Variants in USP32 observed in about 807,000 individuals in gnomAD.
The protein encoded by USP32 is ubiquitin specific peptidase 32.
USP32 carries 59 observed loss-of-function variants against 204.8 expected under a neutral mutation model. The ratio of observed to expected loss-of-function variants is 0.29; its 90% confidence interval spans 0.23 to 0.36. The LOEUF is 0.36. Ranked by LOEUF, USP32 falls within the 10% of genes least tolerant of loss-of-function variation. The pLI, the probability that USP32 is intolerant of heterozygous loss-of-function variation, is 1.00. For missense variants in USP32, 1,160 were observed against 1,946.4 expected (o/e 0.60, Z 7.60); for synonymous variants, 517 against 678.4 (o/e 0.76, Z 3.70).
chr17:60,209,666 A>G (rs528769589), intron 21 of USP32, 123 bp from the exon 22 acceptor site: 56 of 608,826 alleles, frequency 9.2e-5, no homozygotes, highest in Admixed American at 3.6e-4. Context: ...GTCTGCCTCT[A>G]TTTCAACAAA....
At chr17:60,370,210 AT>A (rs1317103381) in intron 1 of USP32, among the ~76,000 whole-genome samples, 2 of 152,070 alleles carry the variant, frequency 1.3e-5, no homozygotes, top group East Asian at 1.9e-4. Flanking sequence ...AATAAAAAGA[AT>A]TTTTTTAAAT....
At chr17:60,198,172 G>A in intron 27 of USP32, 88 bp downstream of exon 27, 1 of 1,506,220 alleles carries the variant, frequency 6.6e-7, no homozygotes, top group Non-Finnish European at 9.0e-7. Flanking sequence ...CTTGACATAG[G>A]CTGGGTCCTA....
intron 27 of USP32, among the ~76,000 whole-genome samples, chr17:60,197,481 G>A (rs1421341331): frequency 2.0e-5 from 3 of 152,214 alleles, no homozygotes; most frequent in Non-Finnish European, 2.9e-5. Flanking sequence ...GTGCATGCCT[G>A]TAATCCCAGC....
upstream of USP32, chr17:60,392,367 G>A: frequency 3.8e-6 from 1 of 262,530 alleles, no homozygotes; most frequent in Non-Finnish European, 7.6e-6. Context: ...GGAGGGGGAC[G>A]CATCTCCGCA....
chr17:60,400,228 A>G (rs112525191), intron 1 of USP32, among the ~76,000 whole-genome samples: 4,920 of 152,180 alleles, frequency 0.032, 264 homozygotes, highest in African/African-American at 0.11. Context: ...GCCTCCAGAA[A>G]TTCTGAGATT....
intron 1 of USP32, among the ~76,000 whole-genome samples, chr17:60,410,510 T>C (rs1226660245): frequency 6.6e-6 from 1 of 151,362 alleles, no homozygotes. Context: ...CTACTAAAAA[T>C]ACAAAAAATT....
At position 60,211,528 on chromosome 17, in the gene USP32, T is replaced by C. The variant is rs368896615; in HGVS notation, c.2180-14A>G. On this transcript the variant is annotated splice_polypyrimidine_tract_variant and intron_variant, in intron 19 of 33. Transcript: ENST00000300896. ...TTTCTGTGGGAACTGGAACAAACAA[T>C]ATGAGAACCAAAGCTTAGCTGTAGT... is the stretch of plus-strand genomic sequence containing the variant. The C allele has an allele frequency of 6.9e-6, 11 of 1,604,216 alleles. No homozygotes were observed. The African/African-American group carries it at 1.1e-4, about 16-fold the overall frequency.
chr17:60,249,690 G>A, intron 11 of USP32: 1 of 699,730 alleles, frequency 1.4e-6, no homozygotes, highest in Non-Finnish European at 2.6e-6. Context: ...TCTCACCAAG[G>A]ATTAGTAGTT....
chr17:60,314,013 A>C (rs757291663), intron 2 of USP32, among the ~76,000 whole-genome samples: 3 of 152,106 alleles, frequency 2.0e-5, no homozygotes, highest in Non-Finnish European at 4.4e-5. Context: ...TATTATAAAT[A>C]TGCTCAAGAA....
intron 3 of USP32, among the ~76,000 whole-genome samples, chr17:60,298,597 C>T (rs973694678): frequency 2.0e-5 from 3 of 151,998 alleles, no homozygotes; most frequent in South Asian, 4.2e-4. Context: ...AAAAAGATCC[C>T]CCTGCCTCAG....
intron 1 of USP32, among the ~76,000 whole-genome samples, chr17:60,379,676 A>C (rs1438825813): frequency 6.6e-6 from 1 of 152,270 alleles, no homozygotes; most frequent in Non-Finnish European, 1.5e-5. Context: ...TATAAACTTC[A>C]GTCACATTGC....
rs780076141 is a variant in USP32 at position 60,271,506 on chromosome 17, A to G, written c.572-25T>C. The G allele has an allele frequency of 2.5e-6, 4 of 1,609,996 alleles. No homozygotes were observed. In the South Asian group the frequency reaches 3.3e-5, roughly 13 times the overall value. On this transcript the variant is annotated intron_variant, in intron 5 of 33. Transcript: ENST00000300896. Reference sequence around the variant, plus strand: ...ACTAAGGGTCAAATCAAAAAAGATTATAAAACCTCAGAATTCTCTTCTCAG... The same window carrying G: ...ACTAAGGGTCAAATCAAAAAAGATTGTAAAACCTCAGAATTCTCTTCTCAG...
At chr17:60,269,850 A>G (rs937289124) in intron 6 of USP32, among the ~76,000 whole-genome samples, 9 of 152,190 alleles carry the variant, frequency 5.9e-5, no homozygotes, top group African/African-American at 2.2e-4. Context: ...AAGTCAATAA[A>G]TAAAAATTAA....
chr17:60,291,573 A>G (rs1345160869), intron 4 of USP32, among the ~76,000 whole-genome samples: 9 of 145,342 alleles, frequency 6.2e-5, no homozygotes, highest in East Asian at 4.0e-4. Flanking sequence ...GTGTGTGTGT[A>G]TAAACACAAA....
chr17:60,280,502 T>C (rs1469056847), intron 5 of USP32, among the ~76,000 whole-genome samples: 2 of 152,242 alleles, frequency 1.3e-5, no homozygotes, highest in Non-Finnish European at 2.9e-5. Flanking sequence ...AACGTGGCAG[T>C]GTGTTCAACT....
At chr17:60,332,798 A>G (rs1379633640) in intron 2 of USP32, among the ~76,000 whole-genome samples, 1 of 152,192 alleles carries the variant, frequency 6.6e-6, no homozygotes, top group Non-Finnish European at 1.5e-5. Context: ...TTAAACATGC[A>G]TGCTATTTTT....
intron 20 of USP32, 109 bp from the exon 21 acceptor site, chr17:60,211,227 A>G (rs1209957146): frequency 8.0e-6 from 12 of 1,504,206 alleles, no homozygotes; most frequent in African/African-American, 1.4e-5. Flanking sequence ...TTTTTGAAAC[A>G]AGAGATGTAT....
Position 60,178,226 on chromosome 17 carries a change from T to C in USP32, c.*1029A>G, listed in dbSNP as rs1420646504. ...TGTTTTGTTTGTAATTTATAGCCCT[T>C]AGAGCCATCAAATACACACAAGCAA... On this transcript the variant is annotated 3_prime_UTR_variant, in exon 34 of 34. Transcript: ENST00000300896. Among the ~76,000 whole-genome samples the C allele has an allele frequency of 6.6e-6, 1 of 152,228 alleles. No homozygotes were observed. Among genetic ancestry groups the C allele is most frequent in the Admixed American group, 6.5e-5 (1 of 15,286 alleles).
At chr17:60,345,751 G>A (rs2146005259) in intron 1 of USP32, 143 bp from the exon 2 acceptor site, 5 of 1,033,160 alleles carry the variant, frequency 4.8e-6, no homozygotes, top group African/African-American at 1.6e-5. Flanking sequence ...GAAGGCCAAG[G>A]CAGGCGGATC....
Sources: allele counts gnomAD v4.1 joint callset (sites outside exome capture counted in the v4.1 genomes callset), GRCh38; gene constraint gnomAD v4.1.1; transcripts MANE v1.5; gene names NCBI Gene and HGNC (gene_info 2026-07-23, HGNC 2026-07-21).